The following PSD3 variants were observed in gnomAD, a reference collection of about 807,000 sequenced individuals.
PSD3 encodes pleckstrin and Sec7 domain containing 3, also known as PH and SEC7 domain-containing protein 3.
PSD3 carries 49 observed loss-of-function variants against 105.5 expected under a neutral mutation model. The ratio of observed to expected loss-of-function variants is 0.46; its 90% CI spans 0.37 to 0.59. The LOEUF (loss-of-function observed/expected upper bound fraction) is 0.59. Ranked by LOEUF, PSD3 falls within the 20% of genes least tolerant of loss-of-function variation. PSD3 has a pLI of 0.00. For missense variants in PSD3, 1,561 were observed against 1,263.8 expected (o/e 1.24, Z -3.57); for synonymous variants, 557 against 457.8 (o/e 1.22, Z -2.77).
intron 1 of PSD3, among the ~76,000 whole-genome samples, chr8:18,994,212 G>A (rs1428061064): frequency 6.7e-6 from 1 of 149,250 alleles, no homozygotes; most frequent in African/African-American, 2.5e-5. Context: ...GTATTATCTG[G>A]AAGTCTCAGA....
At chr8:18,694,766 T>C (rs718418) in intron 9 of PSD3, among the ~76,000 whole-genome samples, 129,218 of 151,858 alleles carry the variant, frequency 0.85, 56,145 homozygotes, top group Non-Finnish European at 0.95. Flanking sequence ...ACTTGAGCAC[T>C]TGAGCTCAGG....
intron 8 of PSD3, among the ~76,000 whole-genome samples, chr8:18,794,984 A>G (rs1810045570): frequency 6.6e-6 from 1 of 152,206 alleles, no homozygotes; most frequent in Non-Finnish European, 1.5e-5. Context: ...CCAAATATTT[A>G]TCCACTATTT....
intron 1 of PSD3, among the ~76,000 whole-genome samples, chr8:18,977,758 G>A (rs1339395524): frequency 6.6e-6 from 1 of 151,898 alleles, no homozygotes; most frequent in Non-Finnish European, 1.5e-5. Context: ...TATTACCAGT[G>A]GTCTCTCTGG....
At chr8:18,633,257 G>A (rs907587724) in intron 10 of PSD3, among the ~76,000 whole-genome samples, 8 of 152,060 alleles carry the variant, frequency 5.3e-5, no homozygotes, top group African/African-American at 1.4e-4. Flanking sequence ...ACAGAAAACA[G>A]CAAAAGTGTT....
intron 8 of PSD3, among the ~76,000 whole-genome samples, chr8:18,791,086 A>C (rs1370505689): frequency 6.6e-6 from 1 of 152,232 alleles, no homozygotes; most frequent in Non-Finnish European, 1.5e-5. Flanking sequence ...GACACTAACA[A>C]ATGGAAAAAC....
chr8:19,005,252 C>T (rs1826618381), intron 1 of PSD3, among the ~76,000 whole-genome samples: 1 of 151,966 alleles, frequency 6.6e-6, no homozygotes, highest in Non-Finnish European at 1.5e-5. Context: ...CAATGGCATA[C>T]TATTCAGCAA....
At chr8:19,075,936 C>T (rs1346575996) in intron 1 of PSD3, among the ~76,000 whole-genome samples, 1 of 152,174 alleles carries the variant, frequency 6.6e-6, no homozygotes, top group Non-Finnish European at 1.5e-5. Flanking sequence ...TTCCTGCACT[C>T]ACTTTGAATA....
At chr8:19,041,706 T>C (rs908567220) in intron 1 of PSD3, among the ~76,000 whole-genome samples, 1 of 152,232 alleles carries the variant, frequency 6.6e-6, no homozygotes, top group African/African-American at 2.4e-5. Context: ...TTCAAATAGA[T>C]GACACAAGAC....
intron 9 of PSD3, among the ~76,000 whole-genome samples, chr8:18,688,614 A>G (rs1367969847): frequency 6.6e-6 from 1 of 152,248 alleles, no homozygotes; most frequent in East Asian, 1.9e-4. Context: ...CTAACATTGA[A>G]ACAACATAGT....
At chr8:18,968,879 CAAAAAAAAAA>C (rs10597134) in intron 1 of PSD3, among the ~76,000 whole-genome samples, 8 of 71,722 alleles carry the variant, frequency 1.1e-4, no homozygotes, top group African/African-American at 1.6e-4. Context: ...AAAATGTCTC[CAAAAAAAAAA>C]AAAAAAAAAA....
intron 9 of PSD3, among the ~76,000 whole-genome samples, chr8:18,692,119 C>G (rs1299954361): frequency 6.6e-6 from 1 of 152,128 alleles, no homozygotes; most frequent in African/African-American, 2.4e-5. Context: ...TAACTGTAAG[C>G]TCTATAGTGC....
intron 9 of PSD3, among the ~76,000 whole-genome samples, chr8:18,709,371 G>C (rs779180023): frequency 6.6e-6 from 1 of 152,206 alleles, no homozygotes; most frequent in African/African-American, 2.4e-5. Flanking sequence ...CTGACGGGAG[G>C]GGCGGCCACT....
intron 11 of PSD3, among the ~76,000 whole-genome samples, chr8:18,618,201 G>T (rs931618810): frequency 7.1e-6 from 1 of 140,848 alleles, no homozygotes; most frequent in Non-Finnish European, 1.7e-5. Flanking sequence ...CTTTCAATCC[G>T]TCTATGACCT....
intron 4 of PSD3, among the ~76,000 whole-genome samples, chr8:18,851,125 T>A (rs1390087677): frequency 6.6e-6 from 1 of 152,138 alleles, no homozygotes; most frequent in Non-Finnish European, 1.5e-5. Flanking sequence ...TCCAATAAGA[T>A]AAACAAACCA....
intron 2 of PSD3, among the ~76,000 whole-genome samples, chr8:18,890,860 A>T (rs565475378): frequency 2.6e-4 from 40 of 152,194 alleles, no homozygotes; most frequent in Middle Eastern, 3.2e-3. Flanking sequence ...CGAGTGGCAG[A>T]AAGTCACAAT....
intron 9 of PSD3, among the ~76,000 whole-genome samples, chr8:18,680,011 A>C (rs1800290079): frequency 6.6e-6 from 1 of 152,236 alleles, no homozygotes; most frequent in Admixed American, 6.5e-5. Context: ...AACATAAAGA[A>C]ACAACAGTTT....
At chr8:18,957,033 T>C (rs1276142599) in intron 1 of PSD3, among the ~76,000 whole-genome samples, 1 of 152,218 alleles carries the variant, frequency 6.6e-6, no homozygotes. Flanking sequence ...AAGCAGTGAC[T>C]GCCAATTCTT....
chr8:18,634,523 A>AT (rs34071130), intron 10 of PSD3, among the ~76,000 whole-genome samples: 6,490 of 151,932 alleles, frequency 0.043, 200 homozygotes, highest in East Asian at 0.09. Context: ...CTAGTTTACC[A>AT]TTTTTTTCTA....
chr8:18,746,213 G>A (rs906303489), intron 9 of PSD3, among the ~76,000 whole-genome samples: 1 of 152,004 alleles, frequency 6.6e-6, no homozygotes, highest in Non-Finnish European at 1.5e-5. Context: ...CCTTTGAGTG[G>A]TGTTTTTGCT....
Sources: allele counts gnomAD v4.1 joint callset (sites outside exome capture counted in the v4.1 genomes callset), GRCh38; gene constraint gnomAD v4.1.1; transcripts MANE v1.5; gene names NCBI Gene and HGNC (gene_info 2026-07-23, HGNC 2026-07-21).